PSMA3: variants seen among roughly 807,000 people sequenced by gnomAD.
PSMA3 encodes proteasome 20S subunit alpha 3, also known as proteasome subunit alpha type-3.
PSMA3 carries 8 observed loss-of-function variants against 40.0 expected under a neutral mutation model. The observed-to-expected ratio is 0.20, with a 90% CI of 0.12 to 0.36. The LOEUF is 0.36. Among genes scored for constraint, PSMA3 ranks in the 10% least tolerant of loss-of-function variants. The pLI, the probability that PSMA3 is intolerant of heterozygous loss-of-function variation, is 1.00. For synonymous variants in PSMA3, 110 were observed against 100.0 expected (o/e 1.10, Z -0.59); for missense variants, 219 against 310.6 (o/e 0.70, Z 2.22).
chr14:58,259,831 G>C lies in PSMA3; in HGVS notation c.405-1117G>C, dbSNP rs181090810. On this transcript the variant is annotated intron_variant, in intron 5 of 10. Coordinates refer to ENST00000216455, the MANE Select transcript of PSMA3 (RefSeq NM_002788.4). Reference sequence around the variant, plus strand: ...GGTATGAAAATACGTGCGCCAGAGAGAGTTAAGTATGCTTGGTGTGTAGAG... The same window carrying C: ...GGTATGAAAATACGTGCGCCAGAGACAGTTAAGTATGCTTGGTGTGTAGAG... Among the ~76,000 whole-genome samples the C allele has an allele frequency of 1.3e-3, 195 of 152,324 alleles. 2 individuals carry two copies. Among genetic ancestry groups the C allele is most frequent in the African/African-American group, 3.7e-3 (152 of 41,562 alleles).
chr14:58,245,085 C>G, intron 1 of PSMA3, 144 bp downstream of exon 1: 2 of 1,053,124 alleles, frequency 1.9e-6, no homozygotes, highest in South Asian at 2.6e-5. Flanking sequence ...GTTTGGAGAC[C>G]GGTCGTCTTT....
intron 6 of PSMA3, among the ~76,000 whole-genome samples, chr14:58,262,565 A>ATT (rs35510234): frequency 3.5e-5 from 5 of 141,510 alleles, no homozygotes; most frequent in Admixed American, 1.4e-4. Flanking sequence ...AATTATTACC[A>ATT]TTTTTTTTTT....
intron 3 of PSMA3, among the ~76,000 whole-genome samples, chr14:58,256,044 G>A (rs1890137437): frequency 6.6e-6 from 1 of 151,948 alleles, no homozygotes; most frequent in African/African-American, 2.4e-5. Flanking sequence ...TTTTTAGTAG[G>A]GGTTTCACCA....
At chr14:58,271,043 G>T in intron 10 of PSMA3, 45 bp downstream of exon 10, 1 of 1,457,850 alleles carries the variant, frequency 6.9e-7, no homozygotes, top group South Asian at 1.2e-5. Context: ...TACAGTCAGG[G>T]AATCACTTAG....
chr14:58,271,095 C>T (rs1890605067), intron 10 of PSMA3, 97 bp downstream of exon 10: 2 of 711,538 alleles, frequency 2.8e-6, no homozygotes, highest in South Asian at 3.2e-5. Context: ...AGCAAGACCC[C>T]CATCCCTAAT....
intron 2 of PSMA3, among the ~76,000 whole-genome samples, chr14:58,251,433 G>A (rs966485860): frequency 6.6e-6 from 1 of 152,132 alleles, no homozygotes; most frequent in Non-Finnish European, 1.5e-5. Flanking sequence ...CTACAGGCGT[G>A]TACCACCATG....
rs749477407 is a variant in PSMA3 at position 58,260,978 on chromosome 14, C to T, written c.435C>T (p.Asp145=). The change falls in exon 6 of 11, where the codon GAC becomes GAT. Residue 145 remains aspartate, a synonymous_variant. Transcript: ENST00000216455. ...SFMLGSYSVN[D]GAQLYMIDPS... ...TGTTAGGGTCTTACAGTGTGAATGACGGTGCGCAACTCTACATGATTGACC... is the reference window on the plus strand; with the variant it reads ...TGTTAGGGTCTTACAGTGTGAATGATGGTGCGCAACTCTACATGATTGACC... The T allele has an allele frequency of 2.7e-5, 44 of 1,612,232 alleles. No individual in the cohort carries two copies. Among genetic ancestry groups the T allele is most frequent in the Middle Eastern group, 3.3e-4 (2 of 6,076 alleles).
At chr14:58,270,256 A>G in intron 8 of PSMA3, 162 bp from the exon 9 acceptor site, 3 of 998,870 alleles carry the variant, frequency 3.0e-6, no homozygotes, top group South Asian at 2.1e-5. Context: ...TCCCTGTGTA[A>G]TTTGTCTTCT....
At chr14:58,249,852 CTGAAAGGATTTCAGAGATT>C in intron 2 of PSMA3, among the ~76,000 whole-genome samples, 1 of 152,258 alleles carries the variant, frequency 6.6e-6, no homozygotes, top group East Asian at 1.9e-4. Flanking sequence ...CGAAGACTGC[CTGAAAGGATTTCAGAGATT>C]TCCAGATTTT....
chr14:58,251,318 C>T (rs139164808), intron 2 of PSMA3, among the ~76,000 whole-genome samples: 13 of 152,334 alleles, frequency 8.5e-5, no homozygotes, highest in African/African-American at 3.1e-4. Context: ...CAGGGTCTCA[C>T]TCTGTTGCAC....
chr14:58,260,675 A>G (rs1890256297), intron 5 of PSMA3, among the ~76,000 whole-genome samples: 1 of 152,112 alleles, frequency 6.6e-6, no homozygotes, highest in Non-Finnish European at 1.5e-5. Flanking sequence ...TGTGGTTTTC[A>G]TCTATCGTTA....
chr14:58,260,003 G>T (rs911605685), intron 5 of PSMA3, among the ~76,000 whole-genome samples: 2 of 152,224 alleles, frequency 1.3e-5, no homozygotes, highest in Admixed American at 6.5e-5. Context: ...TCTCATATCG[G>T]TAGAAAATGG....
At chr14:58,265,049 C>T (rs1300797921) in intron 7 of PSMA3, 3 of 152,094 alleles carry the variant, frequency 2.0e-5, no homozygotes, top group African/African-American at 7.2e-5. Flanking sequence ...CTGCTTGAGC[C>T]CAGTAGTTCC....
At chr14:58,262,565 ATTT>A (rs35510234) in intron 6 of PSMA3, among the ~76,000 whole-genome samples, 1 of 141,494 alleles carries the variant, frequency 7.1e-6, no homozygotes, top group Non-Finnish European at 1.5e-5. Context: ...AATTATTACC[ATTT>A]TTTTTTTTTT....
chr14:58,257,972 C>T lies in PSMA3; in HGVS notation c.378C>T (p.Tyr126=), dbSNP rs755124815. Residue 126 remains tyrosine, a synonymous_variant, in exon 5 of 11, where the codon TAC becomes TAT. Transcript: ENST00000216455. ...TGTATGTGCATGCATATACACTCTACAGTGCTGTTAGACCTTTTGGCTGCA... is the reference window on the plus strand; with the variant it reads ...TGTATGTGCATGCATATACACTCTATAGTGCTGTTAGACCTTTTGGCTGCA... ...VAMYVHAYTL[Y]SAVRPFGCSF... 1.9e-6 allele frequency: 3 copies of T among 1,613,932 alleles called. No individual in the cohort carries two copies. Among genetic ancestry groups the T allele is most frequent in the Non-Finnish European group, 2.5e-6 (3 of 1,179,828 alleles).
rs1367352355 is a variant in PSMA3 at position 58,244,951 on chromosome 14, C to G, written c.21+10C>G. On this transcript the variant is annotated intron_variant, in intron 1 of 10. Coordinates refer to ENST00000216455, the MANE Select transcript of PSMA3 (RefSeq NM_002788.4). ...CTCAATCGGCACTGGGGTGAGTTCG[C>G]TGTCTGTCGGTGTAATAGTTTAACC... 2 of 1,614,192 alleles carry G rather than the reference C, an allele frequency of 1.2e-6. No individual in the cohort carries two copies. Among genetic ancestry groups the G allele is most frequent in the Admixed American group, 3.3e-5 (2 of 60,018 alleles).
At chr14:58,256,570 C>T (rs1363909429) in intron 3 of PSMA3, among the ~76,000 whole-genome samples, 2 of 151,616 alleles carry the variant, frequency 1.3e-5, no homozygotes, top group East Asian at 2.0e-4. Context: ...CCTGCAACCA[C>T]GCCTGGCTAA....
At chr14:58,270,231 T>G in intron 8 of PSMA3, 187 bp from the exon 9 acceptor site, 1 of 808,580 alleles carries the variant, frequency 1.2e-6, no homozygotes, top group Non-Finnish European at 1.8e-6. Context: ...GAGTAGATGT[T>G]TCATTTTATT....
At chr14:58,269,244 TTA>T (rs1468012709) in intron 8 of PSMA3, among the ~76,000 whole-genome samples, 1 of 152,048 alleles carries the variant, frequency 6.6e-6, no homozygotes, top group African/African-American at 2.4e-5. Flanking sequence ...TTGATACTTT[TTA>T]TGTTACTTTA....
Sources: allele counts gnomAD v4.1 joint callset (sites outside exome capture counted in the v4.1 genomes callset), GRCh38; gene constraint gnomAD v4.1.1; transcripts MANE v1.5; gene names NCBI Gene and HGNC (gene_info 2026-07-23, HGNC 2026-07-21).